GALNTL6: variants seen among roughly 807,000 people sequenced by gnomAD.
GALNTL6 encodes the protein polypeptide N-acetylgalactosaminyltransferase like 6.
GALNTL6 carries 46 observed loss-of-function variants against 73.7 expected under a neutral mutation model. That is an observed-to-expected ratio of 0.62 (90% CI 0.49 to 0.80). The LOEUF (loss-of-function observed/expected upper bound fraction) is 0.80. GALNTL6 is among the 30% of genes least tolerant of loss of function. The pLI is 0.00. For missense variants in GALNTL6, 604 were observed against 755.0 expected, an observed-to-expected ratio of 0.80 and a Z score of 2.34; for synonymous variants, 259 against 263.7, an observed-to-expected ratio of 0.98 and a Z score of 0.17.
At chr4:172,141,754 A>G (rs1303845122) in intron 2 of GALNTL6, among the ~76,000 whole-genome samples, 1 of 152,006 alleles carries the variant, frequency 6.6e-6, no homozygotes, top group East Asian at 1.9e-4. Context: ...AAGCCAAGTG[A>G]AGCCAAAATG....
At chr4:172,886,011 G>T (rs997853757) in intron 8 of GALNTL6, among the ~76,000 whole-genome samples, 6 of 152,080 alleles carry the variant, frequency 3.9e-5, no homozygotes, top group African/African-American at 1.2e-4. Flanking sequence ...AGATTTTTTT[G>T]TGTGTGTACC....
intron 2 of GALNTL6, among the ~76,000 whole-genome samples, chr4:171,976,767 G>T (rs1253140007): frequency 6.6e-6 from 1 of 152,170 alleles, no homozygotes; most frequent in African/African-American, 2.4e-5. Context: ...TGTGGACCAT[G>T]AGTGAATGAA....
At chr4:172,171,708 C>T (rs550485780) in intron 2 of GALNTL6, among the ~76,000 whole-genome samples, 87 of 151,414 alleles carry the variant, frequency 5.7e-4, no homozygotes, top group Admixed American at 1.9e-3. Flanking sequence ...GGTGGTGGCA[C>T]GTGTCTGTGG....
chr4:171,982,166 T>C (rs891696695), intron 2 of GALNTL6, among the ~76,000 whole-genome samples: 1 of 152,220 alleles, frequency 6.6e-6, no homozygotes, highest in Non-Finnish European at 1.5e-5. Flanking sequence ...TTTAAGTCTA[T>C]ATAACCACTT....
At chr4:172,846,655 G>T (rs1277331548) in intron 7 of GALNTL6, among the ~76,000 whole-genome samples, 3 of 152,148 alleles carry the variant, frequency 2.0e-5, no homozygotes, top group African/African-American at 7.2e-5. Context: ...AGTAGCATGA[G>T]TGGACCTCAG....
chr4:171,897,499 C>A (rs534323211), intron 2 of GALNTL6, among the ~76,000 whole-genome samples: 99 of 152,200 alleles, frequency 6.5e-4, no homozygotes, highest in African/African-American at 2.3e-3. Context: ...AAATTAAAAT[C>A]TATTATTCTT....
intron 3 of GALNTL6, among the ~76,000 whole-genome samples, chr4:172,244,079 A>G (rs926856694): frequency 1.3e-5 from 2 of 152,206 alleles, no homozygotes; most frequent in African/African-American, 4.8e-5. Context: ...CTCAATAGAT[A>G]TCATAATGAG....
At chr4:172,636,352 A>G (rs1181942727) in intron 5 of GALNTL6, among the ~76,000 whole-genome samples, 1 of 152,232 alleles carries the variant, frequency 6.6e-6, no homozygotes, top group East Asian at 1.9e-4. Flanking sequence ...TGGTGTCCCA[A>G]AGATGTCCAT....
chr4:172,489,634 G>T (rs1346247219), intron 5 of GALNTL6, among the ~76,000 whole-genome samples: 6 of 152,108 alleles, frequency 3.9e-5, no homozygotes, highest in Admixed American at 2.6e-4. Context: ...CATTGTCATA[G>T]AATTCCTGGC....
At chr4:171,959,285 T>C (rs1466855935) in intron 2 of GALNTL6, among the ~76,000 whole-genome samples, 1 of 152,180 alleles carries the variant, frequency 6.6e-6, no homozygotes, top group East Asian at 1.9e-4. Context: ...GTAAACATTT[T>C]TGTGAATTAA....
At chr4:172,788,459 T>C (rs944977238) in intron 5 of GALNTL6, among the ~76,000 whole-genome samples, 1 of 151,850 alleles carries the variant, frequency 6.6e-6, no homozygotes, top group Non-Finnish European at 1.5e-5. Context: ...GATCACAAGA[T>C]CAGGAGATCG....
intron 10 of GALNTL6, among the ~76,000 whole-genome samples, chr4:172,954,545 C>T (rs1749617230): frequency 2.0e-5 from 3 of 152,286 alleles, no homozygotes; most frequent in Admixed American, 6.5e-5. Flanking sequence ...TGGCTCACTG[C>T]AGCCTCAAAC....
chr4:172,974,796 G>A (rs1750732810), intron 10 of GALNTL6, among the ~76,000 whole-genome samples: 1 of 152,318 alleles, frequency 6.6e-6, no homozygotes, highest in South Asian at 2.1e-4. Context: ...CAGGCATGCC[G>A]GCTGCAGCAG....
chr4:171,855,287 C>A (rs551517478), intron 2 of GALNTL6, among the ~76,000 whole-genome samples: 1 of 152,286 alleles, frequency 6.6e-6, no homozygotes, highest in South Asian at 2.1e-4. Flanking sequence ...TCACTCCCTT[C>A]CCCCAAGCCC....
intron 2 of GALNTL6, among the ~76,000 whole-genome samples, chr4:172,198,314 C>T (rs10033713): frequency 0.042 from 6,377 of 151,090 alleles, 419 homozygotes; most frequent in African/African-American, 0.14. Context: ...CTATCATCAG[C>T]GCAAACAGAA....
At chr4:172,417,736 G>A (rs337044) in intron 5 of GALNTL6, among the ~76,000 whole-genome samples, 6,123 of 152,210 alleles carry the variant, frequency 0.04, 398 homozygotes, top group African/African-American at 0.14. Flanking sequence ...TTGACTTTTT[G>A]TATGCTGCTT....
At chr4:171,827,546 A>G (rs568619784) in intron 2 of GALNTL6, among the ~76,000 whole-genome samples, 1 of 152,328 alleles carries the variant, frequency 6.6e-6, no homozygotes, top group African/African-American at 2.4e-5. Context: ...GTTGACTCCC[A>G]GACTATTTTC....
chr4:172,839,526 AGT>A (rs1338001801), intron 7 of GALNTL6, among the ~76,000 whole-genome samples: 1 of 152,196 alleles, frequency 6.6e-6, no homozygotes, highest in Non-Finnish European at 1.5e-5. Context: ...AGTGAGTGTG[AGT>A]GTGTGTAATA....
chr4:172,682,432 G>A (rs1005393590), intron 5 of GALNTL6, among the ~76,000 whole-genome samples: 3 of 152,090 alleles, frequency 2.0e-5, no homozygotes, highest in Non-Finnish European at 4.4e-5. Flanking sequence ...CTATAAGAAA[G>A]AGTGAAATGA....
Sources: gnomAD v4.1 joint callset for allele counts (sites outside exome capture counted in the v4.1 genomes callset) on GRCh38, gnomAD v4.1.1 for gene constraint, MANE v1.5 for transcripts, NCBI Gene and HGNC (gene_info 2026-07-23, HGNC 2026-07-21) for gene names.